Variants in PTPRB observed in about 807,000 individuals in gnomAD.
PTPRB encodes the protein receptor-type tyrosine-protein phosphatase beta.
A neutral mutation model predicts 238.1 loss-of-function variants in PTPRB; 97 were observed. The ratio of observed to expected loss-of-function variants is 0.41; its 90% CI spans 0.35 to 0.48. The LOEUF is 0.48. Among genes scored for constraint, PTPRB ranks in the 20% least tolerant of loss-of-function variants. PTPRB has a pLI of 0.30. For synonymous variants in PTPRB, 970 were observed against 995.4 expected, an observed-to-expected ratio of 0.97 and a Z score of 0.48; for missense variants, 2,292 against 2,681.9, an observed-to-expected ratio of 0.85 and a Z score of 3.21.
chr12:70,555,888 T>C lies in PTPRB; in HGVS notation c.4975A>G (p.Thr1659Ala), dbSNP rs1251960187. ...GMTSEVVEDSTITMIDRPPPP... is the reference protein window; with the variant it reads ...GMTSEVVEDSAITMIDRPPPP... The stretch of plus-strand genomic sequence containing the variant: ...CACTTACGGTCTATCATTGTGATAG[T>C]GCTGTCTTCAACCACCTCGCTGGTC... The change falls in exon 19 of 34, where the codon ACT becomes GCT. Residue 1659 changes from threonine (T) to alanine (A), a missense_variant. Coordinates refer to ENST00000334414, the MANE Select transcript of PTPRB (RefSeq NM_001109754.4). 1 of 1,612,736 alleles carries C rather than the reference T, an allele frequency of 6.2e-7. No individual in the cohort carries two copies. Among genetic ancestry groups the C allele is most frequent in the South Asian group, 1.1e-5 (1 of 91,014 alleles).
At chr12:70,569,286 T>C (rs967897460) in intron 14 of PTPRB, among the ~76,000 whole-genome samples, 5 of 152,042 alleles carry the variant, frequency 3.3e-5, no homozygotes, top group African/African-American at 1.2e-4. Context: ...GTATTTTTAG[T>C]AGAAATGGGG....
At chr12:70,599,716 C>T (rs761169067) in intron 4 of PTPRB, among the ~76,000 whole-genome samples, 11 of 152,238 alleles carry the variant, frequency 7.2e-5, no homozygotes, top group Admixed American at 3.9e-4. Context: ...GCAGGCTTGA[C>T]GTCAACACAA....
chr12:70,584,226 CT>C (rs1353356045), intron 9 of PTPRB, among the ~76,000 whole-genome samples: 1 of 152,108 alleles, frequency 6.6e-6, no homozygotes, highest in East Asian at 1.9e-4. Context: ...GTTACCTATA[CT>C]GTAGTTCAGA....
At chr12:70,589,710 T>C (rs1216471440) in intron 8 of PTPRB, among the ~76,000 whole-genome samples, 1 of 152,240 alleles carries the variant, frequency 6.6e-6, no homozygotes, top group Non-Finnish European at 1.5e-5. Flanking sequence ...TTTCAGAATG[T>C]ATGCATCTTA....
rs1253403102 is a variant in PTPRB, at chr12:70,576,458, T to C, written c.2766A>G (p.Pro922=). 6.2e-7 allele frequency: 1 copy of C among 1,601,964 alleles called. No homozygotes were observed. Among genetic ancestry groups the C allele is most frequent in the Non-Finnish European group, 8.5e-7 (1 of 1,173,880 alleles). Residue 922 remains proline, a synonymous_variant, in exon 11 of 34, where the codon CCA becomes CCG. Coordinates refer to ENST00000334414, the MANE Select transcript of PTPRB (RefSeq NM_001109754.4). ...TTATGGTCACGGTGTAGAGGCGGCC[T>C]GGGGTGAGGGAGCTGAAGGAACATT... ...VRECSFSSLT[P]GRLYTVTITT... is the part of the protein sequence containing the mutation.
rs113459397 is a variant in PTPRB, at chr12:70,560,679, C to T, written c.4424G>A (p.Ser1475Asn). 10 of 1,612,522 alleles carry T rather than the reference C, an allele frequency of 6.2e-6. No individual in the cohort carries two copies. Among genetic ancestry groups the T allele is most frequent in the East Asian group, 4.5e-5 (2 of 44,788 alleles). The change falls in exon 17 of 34, where the codon AGC becomes AAC. Residue 1475 changes from serine (S) to asparagine (N), a missense_variant. Physicochemically the swap from Ser to Asn is conservative, Grantham distance 46. Around this residue, in one of 4 missense-constraint regions of PTPRB, gnomAD observed 683 missense variants for 862.0 expected, o/e 0.79. Coordinates refer to ENST00000334414, the MANE Select transcript of PTPRB (RefSeq NM_001109754.4). This position sits in a 1 kb window ranked among gnomAD's most constrained non-coding sequence, Gnocchi z 4.2. Reference sequence around the variant, plus strand: ...GCACCTGGGCTTCTCACCTGTTCTGCTCTCCGCTGTGACTTTATTGCTGAG... The same window carrying T: ...GCACCTGGGCTTCTCACCTGTTCTGTTCTCCGCTGTGACTTTATTGCTGAG... Reference protein sequence around the residue: ...GDLSNKVTAESRTAPSPPSLM... With the variant: ...GDLSNKVTAENRTAPSPPSLM...
intron 10 of PTPRB, among the ~76,000 whole-genome samples, chr12:70,577,241 C>T (rs1880886081): frequency 6.6e-6 from 1 of 152,104 alleles, no homozygotes. Flanking sequence ...GCCTAAAAAC[C>T]TATCTTGGAA....
chr12:70,623,468 C>A (rs2136583061), intron 2 of PTPRB, among the ~76,000 whole-genome samples: 1 of 152,260 alleles, frequency 6.6e-6, no homozygotes, highest in South Asian at 2.1e-4. Flanking sequence ...TCAGAGCCAG[C>A]CTTTTTAACA....
intron 4 of PTPRB, among the ~76,000 whole-genome samples, chr12:70,598,293 T>C (rs1037726469): frequency 6.6e-6 from 1 of 152,254 alleles, no homozygotes; most frequent in Non-Finnish European, 1.5e-5. Context: ...GAAGATTACA[T>C]TGAATATTAT....
intron 4 of PTPRB, among the ~76,000 whole-genome samples, chr12:70,605,104 GA>G (rs1883836887): frequency 6.6e-6 from 1 of 152,130 alleles, no homozygotes; most frequent in Non-Finnish European, 1.5e-5. Flanking sequence ...AATCATTTGA[GA>G]GGTTTTGTTT....
intron 21 of PTPRB, among the ~76,000 whole-genome samples, chr12:70,549,912 T>A (rs1312506850): frequency 6.6e-6 from 1 of 152,222 alleles, no homozygotes. Flanking sequence ...CCTTAGAGCA[T>A]CTTGGCTCAT....
intron 18 of PTPRB, among the ~76,000 whole-genome samples, chr12:70,557,876 G>C (rs1877933403): frequency 6.6e-6 from 1 of 152,212 alleles, no homozygotes; most frequent in Non-Finnish European, 1.5e-5. Context: ...AGACAGGACA[G>C]GGTCCTTCTA....
At chr12:70,632,645 A>G (rs1201649943) in intron 2 of PTPRB, among the ~76,000 whole-genome samples, 1 of 152,126 alleles carries the variant, frequency 6.6e-6, no homozygotes, top group Admixed American at 6.6e-5. Flanking sequence ...AAAGGAAAGT[A>G]CTTTCTTCTC....
intron 23 of PTPRB, 67 bp downstream of exon 23, chr12:70,540,791 T>C (rs1469638542): frequency 4.3e-6 from 5 of 1,173,632 alleles, no homozygotes; most frequent in African/African-American, 1.5e-5. Context: ...GTTTTCAGCC[T>C]AAAGGGAATT....
intron 4 of PTPRB, among the ~76,000 whole-genome samples, chr12:70,598,677 C>G (rs890713616): frequency 9.2e-5 from 14 of 152,218 alleles, no homozygotes; most frequent in African/African-American, 2.9e-4. Flanking sequence ...GCTGAAGTGG[C>G]ATTTTAAGGA....
chr12:70,621,532 T>A (rs976374327), intron 3 of PTPRB, among the ~76,000 whole-genome samples: 2 of 152,200 alleles, frequency 1.3e-5, no homozygotes, highest in South Asian at 4.1e-4. Context: ...TAAAGTCCCA[T>A]GAGTTATTCA....
chr12:70,629,194 T>C (rs1251704906), intron 2 of PTPRB, among the ~76,000 whole-genome samples: 1 of 151,952 alleles, frequency 6.6e-6, no homozygotes, highest in Non-Finnish European at 1.5e-5. Context: ...TTTTAAAGAA[T>C]GACTGCGTAC....
At position 70,539,721 on chromosome 12, in the gene PTPRB, G is replaced by GAAAC. The variant is rs770365621; in HGVS notation, c.5697-19_5697-16dup. ...TTTTTATTGGACTGTAATTAAAAAT[G>GAAAC]AAACAAACAGAAAAGAGTTACTGCA... On this transcript the variant is annotated splice_polypyrimidine_tract_variant and intron_variant, in intron 25 of 33. Coordinates refer to ENST00000334414, the MANE Select transcript of PTPRB (RefSeq NM_001109754.4). 6.2e-7 allele frequency: 1 copy of GAAAC among 1,600,222 alleles called. No individual in the cohort carries two copies. The highest frequency in any genetic ancestry group is 8.6e-7 in the Non-Finnish European group (1 of 1,168,272).
chr12:70,581,585 T>C (rs1881401414), intron 9 of PTPRB, among the ~76,000 whole-genome samples: 1 of 152,132 alleles, frequency 6.6e-6, no homozygotes, highest in African/African-American at 2.4e-5. Context: ...AAATTTTAGA[T>C]AATGAAGGCT....
Sources: allele counts gnomAD v4.1 joint callset (sites outside exome capture counted in the v4.1 genomes callset), GRCh38; gene constraint gnomAD v4.1.1; regional missense constraint gnomAD v4.1.1; non-coding constraint Gnocchi (gnomAD v3.1); transcripts MANE v1.5; gene names NCBI Gene and HGNC (gene_info 2026-07-23, HGNC 2026-07-21).